Variants in LARP1 observed in about 807,000 individuals in gnomAD.
LARP1 encodes La ribonucleoprotein 1, translational regulator, also known as la-related protein 1.
A neutral mutation model predicts 122.7 loss-of-function variants in LARP1; 36 were observed. The ratio of observed to expected loss-of-function variants is 0.29; its 90% CI spans 0.22 to 0.39. The LOEUF is 0.39. Among genes scored for constraint, LARP1 ranks in the 10% least tolerant of loss-of-function variants. The probability of loss-of-function intolerance (pLI) is 1.00; values close to 1 mark genes in which losing one functional copy is unlikely to be tolerated. For synonymous variants in LARP1, 539 were observed against 528.7 expected (o/e 1.02, Z -0.27); for missense variants, 1,040 against 1,403.6 (o/e 0.74, Z 4.14).
At chr5:154,758,506 A>G (rs947072993) in intron 1 of LARP1, among the ~76,000 whole-genome samples, 1 of 152,144 alleles carries the variant, frequency 6.6e-6, no homozygotes, top group African/African-American at 2.4e-5. Context: ...GAATTCTATG[A>G]TTGGGTTGTC....
upstream of LARP1, among the ~76,000 whole-genome samples, chr5:154,750,491 T>C (rs1489678993): frequency 6.6e-6 from 1 of 152,188 alleles, no homozygotes; most frequent in Admixed American, 6.5e-5. Flanking sequence ...AGACTGATCT[T>C]GAACTCCTGG....
At position 154,802,452 on chromosome 5, in the gene LARP1, G is replaced by A. The variant is rs999154491; in HGVS notation, c.2109+53G>A. 65 of 1,511,528 alleles carry A rather than the reference G, an allele frequency of 4.3e-5. No homozygotes were observed. The Middle Eastern group carries it at 6.1e-4, about 14-fold the overall frequency. The allele number at this position is 1,511,528 out of a possible 1,614,324, so 93.6% of individuals were successfully genotyped here. A position where few individuals can be genotyped will look rare whatever the true frequency, so the allele number is the denominator to read the frequency against. ...GGAGCCTGGTGTGCCTGTATTGTAC[G>A]GAGAAGAGGAAGCCTGATTAGCTGT... On this transcript the variant is annotated intron_variant, in intron 11 of 18. Transcript: ENST00000518297. The surrounding 1 kb of genome is among the most constrained non-coding windows in gnomAD (Gnocchi z 5.1).
upstream of LARP1, among the ~76,000 whole-genome samples, chr5:154,754,225 C>T (rs749763864): frequency 6.6e-6 from 1 of 152,198 alleles, no homozygotes; most frequent in South Asian, 2.1e-4. Context: ...CTTTCCCCAC[C>T]TTAGAATAAA....
upstream of LARP1, among the ~76,000 whole-genome samples, chr5:154,712,231 A>T (rs778321062): frequency 5.9e-5 from 9 of 152,196 alleles, no homozygotes; most frequent in African/African-American, 9.6e-5. Context: ...ACCCAAGATT[A>T]TATACTCATT....
intron 1 of LARP1, among the ~76,000 whole-genome samples, chr5:154,762,688 A>G (rs1754555074): frequency 6.6e-6 from 1 of 152,118 alleles, no homozygotes; most frequent in South Asian, 2.1e-4. Flanking sequence ...CTGTTAGTAA[A>G]CCTAGATGAT....
chr5:154,756,168 C>G lies in LARP1; in HGVS notation c.411C>G (p.Thr137=), dbSNP rs1434989906. ...WTKNALPPVL[T]TVNGQSPPEH... is the part of the protein sequence containing the mutation. ...AGAACGCATTGCCGCCGGTCCTGAC[C>G]ACCGTGAACGGACAGTCCCCCCCAG... Residue 137 remains threonine, a synonymous_variant, in exon 1 of 19, where the codon ACC becomes ACG. Coordinates refer to ENST00000518297, the MANE Select transcript of LARP1 (RefSeq NM_033551.3). 1.5e-6 allele frequency: 2 copies of G among 1,314,432 alleles called. No homozygotes were observed. Among genetic ancestry groups the G allele is most frequent in the Middle Eastern group, 2.2e-4 (1 of 4,524 alleles). The allele number at this position is 1,314,432 out of a possible 1,614,324, so 81.4% of individuals were successfully genotyped here.
At chr5:154,687,616 C>T (rs773959059) in intron 1 of LARP1, among the ~76,000 whole-genome samples, 8 of 152,098 alleles carry the variant, frequency 5.3e-5, no homozygotes, top group Non-Finnish European at 7.3e-5. Context: ...CTCCTGAACT[C>T]GTGATCTGCC....
At chr5:154,715,471 G>A (rs1755446947) in intron 1 of LARP1, among the ~76,000 whole-genome samples, 1 of 151,824 alleles carries the variant, frequency 6.6e-6, no homozygotes, top group African/African-American at 2.4e-5. Flanking sequence ...TTGAACTCCC[G>A]ACCTCAGGTG....
At chr5:154,790,845 T>G (rs551079128) in intron 3 of LARP1, 135 bp downstream of exon 3, 1 of 811,186 alleles carries the variant, frequency 1.2e-6, no homozygotes, top group South Asian at 1.7e-5. Flanking sequence ...CCAACAGAGT[T>G]TCACTCTTTT....
chr5:154,768,793 G>C (rs892287578), intron 1 of LARP1, among the ~76,000 whole-genome samples: 1 of 152,186 alleles, frequency 6.6e-6, no homozygotes, highest in Non-Finnish European at 1.5e-5. Flanking sequence ...TGTTGGCCAG[G>C]CTGGTCTTGG....
chr5:154,731,747 T>G (rs1756580593), intron 1 of LARP1, among the ~76,000 whole-genome samples: 1 of 152,110 alleles, frequency 6.6e-6, no homozygotes, highest in African/African-American at 2.4e-5. Context: ...TCAAGAAAGA[T>G]GAGCCAGCGG....
chr5:154,720,517 C>G (rs1755799284), intron 1 of LARP1, among the ~76,000 whole-genome samples: 1 of 152,066 alleles, frequency 6.6e-6, no homozygotes, highest in Admixed American at 6.6e-5. Flanking sequence ...GAGTTTGAGA[C>G]AAGCCTGAGC....
At chr5:154,748,190 C>A (rs1307237689) in intron 1 of LARP1, among the ~76,000 whole-genome samples, 2 of 152,134 alleles carry the variant, frequency 1.3e-5, no homozygotes, top group East Asian at 3.9e-4. Context: ...CCTATTTTAT[C>A]ATTTTCAAAA....
chr5:154,779,211 G>A (rs1296380868), intron 1 of LARP1, among the ~76,000 whole-genome samples: 1 of 152,102 alleles, frequency 6.6e-6, no homozygotes. Flanking sequence ...GGATCATCTC[G>A]GTAAGCTGTC....
chr5:154,757,111 G>A (rs1471772199), intron 1 of LARP1: 3 of 150,194 alleles, frequency 2.0e-5, no homozygotes, highest in African/African-American at 7.3e-5. Context: ...GCCCGAGTGT[G>A]CGTGTGCGCG....
chr5:154,738,149 T>G (rs2113443825), intron 1 of LARP1, among the ~76,000 whole-genome samples: 1 of 152,320 alleles, frequency 6.6e-6, no homozygotes, highest in Admixed American at 6.5e-5. Context: ...CATGCGTGTG[T>G]GGGATACTGT....
In LARP1 at chr5:154,758,202, C is replaced by A. The variant is rs533555860; in HGVS notation, c.436+2009C>A. 4.5e-4 allele frequency among the ~76,000 whole-genome samples: 68 copies of A among 152,024 alleles called. 1 individual carries two copies. In the East Asian group the frequency reaches 0.013, roughly 29 times the overall value. On this transcript the variant is annotated intron_variant, in intron 1 of 18. Transcript: ENST00000518297. ...GCCTGAGCTGGCATTTTGTGTAAGT[C>A]CAGGAGCCCTTGATAGTGTGCGTCA... is the stretch of plus-strand genomic sequence containing the variant.
chr5:154,691,495 G>C (rs927784173), intron 1 of LARP1, among the ~76,000 whole-genome samples: 1 of 152,194 alleles, frequency 6.6e-6, no homozygotes, highest in African/African-American at 2.4e-5. Flanking sequence ...GCTGCGCGCA[G>C]GTCGCGGGGT....
At chr5:154,691,119 G>A (rs1440194251) in intron 1 of LARP1, among the ~76,000 whole-genome samples, 18 of 151,618 alleles carry the variant, frequency 1.2e-4, no homozygotes, top group Non-Finnish European at 2.4e-4. Flanking sequence ...AAAATTAGCC[G>A]GGCGTGGTGG....
Sources: gnomAD v4.1 joint callset for allele counts (sites outside exome capture counted in the v4.1 genomes callset) on GRCh38, gnomAD v4.1.1 for gene constraint, Gnocchi (gnomAD v3.1) non-coding constraint, MANE v1.5 for transcripts, NCBI Gene and HGNC (gene_info 2026-07-23, HGNC 2026-07-21) for gene names.